The following LIPA variants were observed in gnomAD, a reference collection of about 807,000 sequenced individuals.
The protein encoded by LIPA is lipase A, lysosomal acid type.
Under a neutral mutation model 40.6 loss-of-function variants are expected in LIPA, and 26 were observed. That is an observed-to-expected ratio of 0.64 (90% CI 0.47 to 0.89). The LOEUF (loss-of-function observed/expected upper bound fraction) is 0.89. LIPA is among the 40% of genes least tolerant of loss of function. The probability of loss-of-function intolerance (pLI) is 0.00; values close to 1 mark genes in which losing one functional copy is unlikely to be tolerated. For synonymous variants in LIPA, 188 were observed against 168.4 expected (o/e 1.12, Z -0.90); for missense variants, 455 against 479.6 (o/e 0.95, Z 0.48).
chr10:89,380,863 C>T (rs1844157512), intron 2 of LIPA, among the ~76,000 whole-genome samples: 1 of 152,148 alleles, frequency 6.6e-6, no homozygotes, highest in Non-Finnish European at 1.5e-5. Flanking sequence ...ATATTCTACT[C>T]CTTAGTCTTC....
intron 2 of LIPA, chr10:89,383,867 T>C (rs1452864034): frequency 6.2e-7 from 1 of 1,614,178 alleles, no homozygotes; most frequent in Non-Finnish European, 8.5e-7. Context: ...GCAATCACCG[T>C]CTATCGCCTG....
rs747374375 is a variant in LIPA at position 89,322,814 on chromosome 10, T to G, written c.-2+19797A>C. Among the ~76,000 whole-genome samples the G allele has an allele frequency of 2.0e-5, 3 of 152,300 alleles. No homozygotes were observed. The South Asian group carries it at 6.2e-4, about 32-fold the overall frequency. ...ACTGGTCCTACTTCTCTGTCTGAACTCAGCCAGTGACCATAGCCTCCTGTT... is the reference window on the plus strand; with the variant it reads ...ACTGGTCCTACTTCTCTGTCTGAACGCAGCCAGTGACCATAGCCTCCTGTT... On this transcript the variant is annotated intron_variant, in intron 1 of 5. Transcript: ENST00000282673.
rs1431914852 is a variant in LIPA at position 89,214,956 on chromosome 10, T to G, written c.1072A>C (p.Thr358Pro). 2 of 1,614,016 alleles carry G rather than the reference T, an allele frequency of 1.2e-6. No homozygotes were observed. Among genetic ancestry groups the G allele is most frequent in the Admixed American group, 3.3e-5 (2 of 60,010 alleles). Residue 358 changes from threonine to proline, a missense_variant, in exon 10 of 10, where the codon ACT (threonine) becomes CCT (proline). Transcript: ENST00000336233. The part of the protein sequence containing the change: ...ADVYDVNILL[T>P]QITNLVFHES... ...TGGAACACCAAGTTGGTGATCTGAG[T>G]CAGTAAGATATTGACGTCGTAGACA...
intron 2 of LIPA, among the ~76,000 whole-genome samples, chr10:89,356,399 A>T (rs1230870306): frequency 6.6e-6 from 1 of 152,186 alleles, no homozygotes; most frequent in African/African-American, 2.4e-5. Context: ...TGGGCTATAC[A>T]GCAGGAGGTG....
In LIPA at chr10:89,402,936, G is replaced by T. The variant is rs778430194; in HGVS notation, c.61+9855C>A. ...AAATCCAGACAATGGATATATTAAGGTTCTCCTTGCCCTGAAGCTTCAGGA... is the reference window on the plus strand; with the variant it reads ...AAATCCAGACAATGGATATATTAAGTTTCTCCTTGCCCTGAAGCTTCAGGA... On this transcript the variant is annotated intron_variant, in intron 2 of 8. Transcript: ENST00000371837. The T allele has an allele frequency of 6.2e-6, 10 of 1,614,038 alleles. No individual in the cohort carries two copies. In the African/African-American group the frequency reaches 9.3e-5, roughly 15 times the overall value.
chr10:89,299,125 A>G (rs1289014254), intron 1 of LIPA, among the ~76,000 whole-genome samples: 1 of 151,924 alleles, frequency 6.6e-6, no homozygotes, highest in Non-Finnish European at 1.5e-5. Flanking sequence ...TATGAATGAG[A>G]AATTTGCCAA....
At chr10:89,228,939 G>A (rs570675630) in intron 3 of LIPA, among the ~76,000 whole-genome samples, 3 of 152,204 alleles carry the variant, frequency 2.0e-5, no homozygotes, top group Admixed American at 6.5e-5. Context: ...CACTGGAAAA[G>A]TTTGGCAGTT....
At chr10:89,283,145 A>G (rs1589588059) in intron 1 of LIPA, among the ~76,000 whole-genome samples, 1 of 152,370 alleles carries the variant, frequency 6.6e-6, no homozygotes, top group Non-Finnish European at 1.5e-5. Flanking sequence ...ATGTGTAAAC[A>G]GACTGTAACC....
intron 2 of LIPA, among the ~76,000 whole-genome samples, chr10:89,355,790 A>G (rs548736426): frequency 2.6e-5 from 4 of 152,328 alleles, no homozygotes; most frequent in African/African-American, 9.6e-5. Flanking sequence ...TAAATTTAGC[A>G]TTATAATTTA....
chr10:89,387,882 C>A (rs1435375897), intron 2 of LIPA, among the ~76,000 whole-genome samples: 1 of 152,076 alleles, frequency 6.6e-6, no homozygotes, highest in Non-Finnish European at 1.5e-5. Flanking sequence ...ATACTCTCAA[C>A]TTTTCTCTCT....
In LIPA at chr10:89,222,070, T is replaced by G. The variant is rs1842705905; in HGVS notation, c.894+441A>C. ...TTATTCACTGCTATTCCAAGCATAT[T>G]GTGATCAGGGGTTAGTGTTGAAACA... On this transcript the variant is annotated intron_variant, in intron 8 of 9. Coordinates refer to ENST00000336233, the MANE Select transcript of LIPA (RefSeq NM_000235.4). 2.0e-5 allele frequency among the ~76,000 whole-genome samples: 3 copies of G among 152,298 alleles called. No individual in the cohort carries two copies. In the South Asian group the frequency reaches 6.2e-4, roughly 32 times the overall value.
upstream of LIPA, among the ~76,000 whole-genome samples, chr10:89,343,052 T>C (rs1589616062): frequency 6.6e-6 from 1 of 152,190 alleles, no homozygotes; most frequent in African/African-American, 2.4e-5. Flanking sequence ...CAAGAGCATG[T>C]AGGGGTAAAA....
At chr10:89,322,659 C>G (rs1314632387) in intron 1 of LIPA, among the ~76,000 whole-genome samples, 1 of 151,536 alleles carries the variant, frequency 6.6e-6, no homozygotes, top group East Asian at 1.9e-4. Flanking sequence ...CTTCTGCAAG[C>G]CTTGTGCCCC....
At chr10:89,328,747 A>G (rs796691856) in intron 1 of LIPA, among the ~76,000 whole-genome samples, 1 of 152,208 alleles carries the variant, frequency 6.6e-6, no homozygotes, top group South Asian at 2.1e-4. Context: ...TCAGCAGCAA[A>G]AAAAGAATTT....
At chr10:89,245,207 A>G (rs529461456) in intron 3 of LIPA, among the ~76,000 whole-genome samples, 1 of 152,322 alleles carries the variant, frequency 6.6e-6, no homozygotes, top group East Asian at 1.9e-4. Flanking sequence ...ATTTGTTTCT[A>G]ATGAGATTTT....
At chr10:89,299,603 A>G (rs1843433889) in intron 1 of LIPA, among the ~76,000 whole-genome samples, 1 of 152,166 alleles carries the variant, frequency 6.6e-6, no homozygotes, top group Non-Finnish European at 1.5e-5. Flanking sequence ...AAAGACAGCA[A>G]AGGAAAAGCA....
intron 2 of LIPA, among the ~76,000 whole-genome samples, chr10:89,395,740 A>T (rs1844333725): frequency 6.6e-6 from 1 of 152,126 alleles, no homozygotes; most frequent in Non-Finnish European, 1.5e-5. Flanking sequence ...AATATCCATG[A>T]CCAAATACCC....
intron 2 of LIPA, chr10:89,393,351 T>C: frequency 2.5e-5 from 30 of 1,199,916 alleles, no homozygotes; most frequent in Non-Finnish European, 3.3e-5. Flanking sequence ...GGTACGTCCT[T>C]GACTGAAGAT....
Position 89,373,870 on chromosome 10 carries a change from T to C in LIPA, c.61+38921A>G, listed in dbSNP as rs568685213. Among the ~76,000 whole-genome samples the C allele has an allele frequency of 1.7e-4, 26 of 152,342 alleles. No homozygotes were observed. In the South Asian group the frequency reaches 5.4e-3, roughly 32 times the overall value. On this transcript the variant is annotated intron_variant, in intron 2 of 8. Transcript: ENST00000371837. Reference sequence around the variant, plus strand: ...TTTCTGGGCTTTTAGTAGTTGAGGATGCCACTGTAACAGACCATATCCTGA... The same window carrying C: ...TTTCTGGGCTTTTAGTAGTTGAGGACGCCACTGTAACAGACCATATCCTGA...
Sources: gnomAD v4.1 joint callset for allele counts (sites outside exome capture counted in the v4.1 genomes callset) on GRCh38, gnomAD v4.1.1 for gene constraint, MANE v1.5 for transcripts, NCBI Gene and HGNC (gene_info 2026-07-23, HGNC 2026-07-21) for gene names.